The following STIMATE variants were observed in gnomAD, a reference collection of about 807,000 sequenced individuals.
The protein encoded by STIMATE is STIM activating enhancer.
STIMATE carries 15 observed loss-of-function variants against 36.7 expected under a neutral mutation model. The observed-to-expected ratio is 0.41, with a 90% CI of 0.27 to 0.63. The LOEUF is 0.63. Among genes scored for constraint, STIMATE ranks in the 20% least tolerant of loss-of-function variants. The pLI, the probability that STIMATE is intolerant of heterozygous loss-of-function variation, is 0.32. For missense variants in STIMATE, 305 were observed against 397.3 expected (o/e 0.77, Z 1.98); for synonymous variants, 163 against 162.3 (o/e 1.00, Z -0.03).
chr3:52,844,944 G>C lies in STIMATE; in HGVS notation c.428-3C>G. 6.2e-7 allele frequency: 1 copy of C among 1,613,242 alleles called. No homozygotes were observed. The highest frequency in any genetic ancestry group is 8.5e-7 in the Non-Finnish European group (1 of 1,179,548). ...GGCTCCACACTGCAGAGGGTCTCCT[G>C]CAGGGACAGGCGGGTGCTTAGTCAC... On this transcript the variant is annotated splice_region_variant and splice_polypyrimidine_tract_variant and intron_variant, in intron 4 of 7. Coordinates refer to ENST00000355083, the MANE Select transcript of STIMATE (RefSeq NM_198563.5).
intron 1 of STIMATE, among the ~76,000 whole-genome samples, chr3:52,878,012 T>A (rs1231051045): frequency 6.7e-6 from 1 of 150,172 alleles, no homozygotes; most frequent in Non-Finnish European, 1.5e-5. Flanking sequence ...GAGAATAGCA[T>A]GAACCCGGGA....
Position 52,842,874 on chromosome 3 carries a change from G to A in STIMATE, c.705C>T (p.Asp235=), listed in dbSNP as rs1700824956. ...AGCGGACCTTGCTCCCATTCCTCGA[G>A]TCCTGGTTGGCTCCCCTTTCTTCTA... The part of the protein sequence containing the change: ...AKLEERGANQ[D]SRNGSKVRYR... Residue 235 remains aspartate (D), a synonymous_variant, in exon 7 of 8, where the codon GAC becomes GAT. Transcript: ENST00000355083. 6.2e-7 allele frequency: 1 copy of A among 1,614,234 alleles called. No homozygotes were observed. The highest frequency in any genetic ancestry group is 8.5e-7 in the Non-Finnish European group (1 of 1,180,050).
At position 52,866,158 on chromosome 3, in the gene STIMATE, T is replaced by C. The variant is rs142095370; in HGVS notation, c.161-10714A>G. 1.2e-4 allele frequency among the ~76,000 whole-genome samples: 19 copies of C among 152,382 alleles called. No homozygotes were observed. The East Asian group carries it at 3.3e-3, about 26-fold the overall frequency. On this transcript the variant is annotated intron_variant, in intron 1 of 7. Transcript: ENST00000355083. ...TACATCAAAAGCTATGTGCGGCTTATTCTGTGGCGCCGCTCTCCACAGAGG... is the reference window on the plus strand; with the variant it reads ...TACATCAAAAGCTATGTGCGGCTTACTCTGTGGCGCCGCTCTCCACAGAGG...
rs1700738534 is a variant in STIMATE at position 52,838,233 on chromosome 3, A to T, written c.*2261T>A. 1 of 152,206 alleles carries T rather than the reference A, an allele frequency of 6.6e-6. No homozygotes were observed. Among genetic ancestry groups the T allele is most frequent in the Non-Finnish European group, 1.5e-5 (1 of 68,052 alleles). The allele number at this position is 152,206 out of a possible 1,614,324, so 9.4% of individuals were successfully genotyped here. On this transcript the variant is annotated 3_prime_UTR_variant, in exon 8 of 8. Coordinates refer to ENST00000355083, the MANE Select transcript of STIMATE (RefSeq NM_198563.5). ...ACTGGGAAGTGGGCAAAGCCTTCAGATGAGACCATCTGAGATCTATATAAC... is the reference window on the plus strand; with the variant it reads ...ACTGGGAAGTGGGCAAAGCCTTCAGTTGAGACCATCTGAGATCTATATAAC...
chr3:52,850,930 T>C (rs1700986126), intron 3 of STIMATE, among the ~76,000 whole-genome samples: 1 of 152,194 alleles, frequency 6.6e-6, no homozygotes, highest in Non-Finnish European at 1.5e-5. Flanking sequence ...GGTTTCATCA[T>C]GTTGGCCAGG....
chr3:52,894,424 C>A (rs560039439), intron 1 of STIMATE, among the ~76,000 whole-genome samples: 1 of 152,194 alleles, frequency 6.6e-6, no homozygotes, highest in East Asian at 1.9e-4. Context: ...GTCTATAAAC[C>A]CTACATAGTA....
In STIMATE at chr3:52,872,310, T is replaced by C. The variant is rs559152804; in HGVS notation, c.161-16866A>G. The stretch of plus-strand genomic sequence containing the variant: ...TGGCTCCAAACAGGTAGCTAAACAG[T>C]ATTTGTTGAACAAAGGAATTCATTC... On this transcript the variant is annotated intron_variant, in intron 1 of 7. Transcript: ENST00000355083. Among the ~76,000 whole-genome samples, 4 of 152,320 alleles carry C rather than the reference T, an allele frequency of 2.6e-5. No homozygotes were observed. In the South Asian group the frequency reaches 8.3e-4, roughly 32 times the overall value.
At chr3:52,847,862 A>G (rs1465220212) in intron 4 of STIMATE, among the ~76,000 whole-genome samples, 2 of 152,242 alleles carry the variant, frequency 1.3e-5, no homozygotes, top group African/African-American at 4.8e-5. Flanking sequence ...AGAAGGCTGC[A>G]GGAAGTCAGG....
At chr3:52,886,069 G>A (rs770051944) in intron 1 of STIMATE, among the ~76,000 whole-genome samples, 1 of 152,148 alleles carries the variant, frequency 6.6e-6, no homozygotes, top group Non-Finnish European at 1.5e-5. Flanking sequence ...TCCAGGACAA[G>A]GCCCATGGAC....
chr3:52,891,774 GA>G (rs1260458587), intron 1 of STIMATE, among the ~76,000 whole-genome samples: 2 of 152,052 alleles, frequency 1.3e-5, no homozygotes, highest in Non-Finnish European at 2.9e-5. Flanking sequence ...ACCTAATTCA[GA>G]AAATAAGTTA....
intron 1 of STIMATE, among the ~76,000 whole-genome samples, chr3:52,880,158 T>TA (rs1219380005): frequency 6.6e-6 from 1 of 152,132 alleles, no homozygotes; most frequent in Non-Finnish European, 1.5e-5. Context: ...AAAGGAGGCT[T>TA]AGGGCCCGGG....
intron 1 of STIMATE, among the ~76,000 whole-genome samples, chr3:52,859,531 A>AAAAAAATTT (rs748928249): frequency 4.8e-4 from 9 of 18,826 alleles, no homozygotes; most frequent in East Asian, 2.6e-3. Flanking sequence ...AAAAAAAAAA[A>AAAAAAATTT]TTTTTTTTTT....
At chr3:52,889,062 T>C (rs1403242904) in intron 1 of STIMATE, among the ~76,000 whole-genome samples, 4 of 152,066 alleles carry the variant, frequency 2.6e-5, no homozygotes, top group Non-Finnish European at 5.9e-5. Context: ...TGGCACAAAA[T>C]GGCCCTTAGA....
chr3:52,842,911 G>A lies in STIMATE; in HGVS notation c.668C>T (p.Thr223Met), dbSNP rs753795139. The A allele has an allele frequency of 2.7e-5, 43 of 1,614,028 alleles. No homozygotes were observed. Among genetic ancestry groups the A allele is most frequent in the Admixed American group, 2.2e-4 (13 of 60,002 alleles). Residue 223 changes from threonine to methionine, a missense_variant, in exon 7 of 8, where the codon ACG (threonine) becomes ATG (methionine). Physicochemically the swap from Thr to Met is moderately conservative, Grantham distance 81. Coordinates refer to ENST00000355083, the MANE Select transcript of STIMATE (RefSeq NM_198563.5). ...TCCCCTTTCTTCTAGCTTAGCTTTC[G>A]TCTTCCCCTTTCTCATGAGGAAATT... ...VDNFLMRKGK[T>M]KAKLEERGAN...
At chr3:52,843,041 C>T in intron 6 of STIMATE, 81 bp from the exon 7 acceptor site, 1 of 1,585,934 alleles carries the variant, frequency 6.3e-7, no homozygotes, top group South Asian at 1.1e-5. Flanking sequence ...CCGCCCACTC[C>T]CATTCCAGGT....
chr3:52,879,710 C>CCTGG (rs1559497800), intron 1 of STIMATE, among the ~76,000 whole-genome samples: 2 of 152,244 alleles, frequency 1.3e-5, no homozygotes, highest in East Asian at 3.8e-4. Flanking sequence ...GCTGGAAAAA[C>CCTGG]CACCATCACA....
At chr3:52,850,606 G>T (rs923578478) in intron 3 of STIMATE, among the ~76,000 whole-genome samples, 1 of 152,232 alleles carries the variant, frequency 6.6e-6, no homozygotes, top group African/African-American at 2.4e-5. Context: ...AGGAGGCCCA[G>T]AACAGTGCTG....
intron 4 of STIMATE, among the ~76,000 whole-genome samples, chr3:52,845,862 A>G (rs1578800382): frequency 7.4e-6 from 1 of 135,106 alleles, no homozygotes; most frequent in South Asian, 2.6e-4. Flanking sequence ...CCTGGGGCTC[A>G]CCCTGGAAGT....
chr3:52,848,531 G>C (rs1700944920), intron 4 of STIMATE: 1 of 152,246 alleles, frequency 6.6e-6, no homozygotes, highest in African/African-American at 2.4e-5. Context: ...AGCTATAGTA[G>C]AGCTGGGAGC....
Sources: allele counts gnomAD v4.1 joint callset (sites outside exome capture counted in the v4.1 genomes callset), GRCh38; gene constraint gnomAD v4.1.1; transcripts MANE v1.5; gene names NCBI Gene and HGNC (gene_info 2026-07-23, HGNC 2026-07-21).